The following ABCC6 variants were observed in gnomAD, a reference collection of about 807,000 sequenced individuals.
The protein encoded by ABCC6 is ATP binding cassette subfamily C member 6.
Under a neutral mutation model 169.5 loss-of-function variants are expected in ABCC6, and 126 were observed. The ratio of observed to expected loss-of-function variants is 0.74; its 90% confidence interval spans 0.64 to 0.86. The LOEUF (loss-of-function observed/expected upper bound fraction) is 0.86. Ranked by LOEUF, ABCC6 falls within the 40% of genes least tolerant of loss-of-function variation. ABCC6 has a pLI of 0.00. For synonymous variants in ABCC6, 752 were observed against 814.7 expected, an observed-to-expected ratio of 0.92 and a Z score of 1.31; for missense variants, 1,733 against 1,927.2, an observed-to-expected ratio of 0.90 and a Z score of 1.89.
intron 24 of ABCC6, 72 bp downstream of exon 24, chr16:16,162,921 A>T: frequency 6.3e-7 from 1 of 1,596,004 alleles, no homozygotes; most frequent in Non-Finnish European, 8.6e-7. Context: ...CTACCATACA[A>T]TATGACCTCA....
At chr16:16,160,597 A>G (rs985590396) in intron 25 of ABCC6, among the ~76,000 whole-genome samples, 2 of 128,636 alleles carry the variant, frequency 1.6e-5, no homozygotes, top group Non-Finnish European at 3.1e-5. Context: ...GTTTGAGACC[A>G]GGTTGGGCAA....
At chr16:16,158,066 G>C (rs1463076433) in intron 26 of ABCC6, among the ~76,000 whole-genome samples, 1 of 152,058 alleles carries the variant, frequency 6.6e-6, no homozygotes, top group Non-Finnish European at 1.5e-5. Context: ...TTTTTCTATA[G>C]TGGGAGCAGA....
At chr16:16,164,575 G>GT (rs1255228636) in intron 23 of ABCC6, among the ~76,000 whole-genome samples, 4 of 152,124 alleles carry the variant, frequency 2.6e-5, no homozygotes, top group Admixed American at 6.6e-5. Context: ...CTGAAGAAAC[G>GT]TTTTTTGCAT....
intron 13 of ABCC6, 150 bp downstream of exon 13, chr16:16,188,681 C>T: frequency 2.6e-6 from 3 of 1,166,764 alleles, no homozygotes; most frequent in South Asian, 2.6e-5. Flanking sequence ...CTGTTCTTGC[C>T]CCTACCCGCC....
rs1040649250 is a variant in ABCC6, at chr16:16,150,793, T to C, written c.4209-21A>G. Reference sequence around the variant, plus strand: ...CCACGCTGGGAACGATTGGGACAATTAGCTGGGACGTGCGTTTGTCGGCAC... The same window carrying C: ...CCACGCTGGGAACGATTGGGACAATCAGCTGGGACGTGCGTTTGTCGGCAC... On this transcript the variant is annotated intron_variant, in intron 29 of 30. Coordinates refer to ENST00000205557, the MANE Select transcript of ABCC6 (RefSeq NM_001171.6). 3 of 1,612,052 alleles carry C rather than the reference T, an allele frequency of 1.9e-6. No individual in the cohort carries two copies. The Admixed American group carries it at 5.0e-5, about 27-fold the overall frequency.
intron 10 of ABCC6, among the ~76,000 whole-genome samples, chr16:16,194,754 G>C (rs751943045): frequency 6.6e-6 from 1 of 152,076 alleles, no homozygotes; most frequent in Non-Finnish European, 1.5e-5. Flanking sequence ...GCAGTCTCAT[G>C]ATCTTGGCTC....
Position 16,173,415 on chromosome 16 carries a change from G to C in ABCC6, c.2667-11C>G. ...ACTGACTTGATGGACCTGTCATTTAGAGGAAATGAAGACAAAGTCAGTATC... is the reference window on the plus strand; with the variant it reads ...ACTGACTTGATGGACCTGTCATTTACAGGAAATGAAGACAAAGTCAGTATC... On this transcript the variant is annotated splice_polypyrimidine_tract_variant and intron_variant, in intron 20 of 30. Transcript: ENST00000205557. 1.2e-6 allele frequency: 2 copies of C among 1,614,064 alleles called. No homozygotes were observed. Among genetic ancestry groups the C allele is most frequent in the Non-Finnish European group, 1.7e-6 (2 of 1,180,012 alleles).
chr16:16,179,503 G>A (rs2047399714), intron 17 of ABCC6, among the ~76,000 whole-genome samples: 1 of 152,142 alleles, frequency 6.6e-6, no homozygotes, highest in Non-Finnish European at 1.5e-5. Context: ...ATGGACCTGG[G>A]GGCAGGGGGA....
intron 4 of ABCC6, among the ~76,000 whole-genome samples, chr16:16,219,136 G>A (rs1030517011): frequency 2.9e-5 from 4 of 137,798 alleles, no homozygotes; most frequent in Non-Finnish European, 6.2e-5. Context: ...TGTGCAGAAT[G>A]AGTGTGTAAA....
rs2049084951 is a variant in ABCC6, at chr16:16,221,796, G to A, written c.72C>T (p.Thr24=). 2 of 1,613,448 alleles carry A rather than the reference G, an allele frequency of 1.2e-6. No homozygotes were observed. ...TCAGGAAGCACAGGCTCAGCAGGCT[G>A]GTGGCGGCAGGTTCAGGCTCTGTCT... ...WNQTEPEPAA[T]SLLSLCFLRT... is the part of the protein sequence containing the mutation. Residue 24 remains threonine (T), a synonymous_variant, in exon 2 of 31, where the codon ACC becomes ACT. Transcript: ENST00000205557.
chr16:16,192,095 G>T (rs1489131899), intron 11 of ABCC6, among the ~76,000 whole-genome samples: 1 of 152,220 alleles, frequency 6.6e-6, no homozygotes, highest in African/African-American at 2.4e-5. Context: ...TTTCCTTGCT[G>T]GAGGGTGGTG....
At chr16:16,182,370 C>A in intron 17 of ABCC6, 42 bp downstream of exon 17, 1 of 1,611,618 alleles carries the variant, frequency 6.2e-7, no homozygotes, top group Non-Finnish European at 8.5e-7. Context: ...TGACTCCCAA[C>A]TGCAATGTCT....
chr16:16,156,562 G>T (rs566413769), intron 27 of ABCC6, among the ~76,000 whole-genome samples: 15 of 152,300 alleles, frequency 9.8e-5, no homozygotes, highest in African/African-American at 3.6e-4. Context: ...TGAATGCCAA[G>T]CTCAGGAATT....
Position 16,161,473 on chromosome 16 carries a change from CAGCACTGAGGTGGGCT to C in ABCC6, c.3582_3597del (p.His1196SerfsTer12). ...GCAGAGACAGAGAAGCCCACGAGGC[CAGCACTGAGGTGGGCT>C]TTGCTCAGCACAGCACACGTGGCAG... On this transcript the variant is annotated frameshift_variant, in exon 25 of 31. Coordinates refer to ENST00000205557, the MANE Select transcript of ABCC6 (RefSeq NM_001171.6). LOFTEE classifies it high-confidence loss of function. The C allele has an allele frequency of 6.2e-7, 1 of 1,613,924 alleles. No individual in the cohort carries two copies. The highest frequency in any genetic ancestry group is 8.5e-7 in the Non-Finnish European group (1 of 1,180,028).
At chr16:16,155,056 C>G in intron 27 of ABCC6, 25 bp from the exon 28 acceptor site, 1 of 1,544,780 alleles carries the variant, frequency 6.5e-7, no homozygotes, top group Non-Finnish European at 8.7e-7. Flanking sequence ...GAGGAAAGGC[C>G]TGCTCTGACC....
Position 16,187,218 on chromosome 16 carries a change from A to G in ABCC6, c.1780-7T>C. 1 of 1,612,632 alleles carries G rather than the reference A, an allele frequency of 6.2e-7. No individual in the cohort carries two copies. The highest frequency in any genetic ancestry group is 1.3e-5 in the African/African-American group (1 of 75,004). On this transcript the variant is annotated splice_region_variant and splice_polypyrimidine_tract_variant and intron_variant, in intron 13 of 30. Transcript: ENST00000205557. ...GGTCAAAGGACACCCGGGCCTAGGA[A>G]AACCGAAGCCGCAGGTCACCCAGCA...
chr16:16,213,520 A>G (rs1437574713), intron 5 of ABCC6, among the ~76,000 whole-genome samples: 1 of 148,504 alleles, frequency 6.7e-6, no homozygotes, highest in African/African-American at 2.5e-5. Context: ...AGCTTCTTCT[A>G]TGGAGCACTT....
At chr16:16,222,562 A>G (rs1301049153) in intron 1 of ABCC6, among the ~76,000 whole-genome samples, 1 of 148,892 alleles carries the variant, frequency 6.7e-6, no homozygotes, top group Non-Finnish European at 1.5e-5. Flanking sequence ...TTTTTTTTTT[A>G]TGTTTTGTAG....
At chr16:16,202,297 A>G in intron 8 of ABCC6, 119 bp from the exon 9 acceptor site, 15 of 1,151,378 alleles carry the variant, frequency 1.3e-5, no homozygotes, top group Non-Finnish European at 1.8e-5. Context: ...CCAGGTGTGG[A>G]GGATCAGTCA....
Sources: gnomAD v4.1 joint callset for allele counts (sites outside exome capture counted in the v4.1 genomes callset) on GRCh38, gnomAD v4.1.1 for gene constraint, MANE v1.5 for transcripts, NCBI Gene and HGNC (gene_info 2026-07-23, HGNC 2026-07-21) for gene names.